Variants in CA6 observed in about 807,000 individuals in gnomAD.
CA6 encodes carbonate dehydratase VI.
A neutral mutation model predicts 35.9 loss-of-function variants in CA6; 28 were observed. The ratio of observed to expected loss-of-function variants is 0.78; its 90% confidence interval spans 0.58 to 1.07. CA6 has a LOEUF of 1.07. CA6 is among the 50% of genes least tolerant of loss of function. The pLI is 0.00. For missense variants in CA6, 377 were observed against 382.0 expected, an observed-to-expected ratio of 0.99 and a Z score of 0.11; for synonymous variants, 148 against 152.6, an observed-to-expected ratio of 0.97 and a Z score of 0.22.
chr1:8,951,221 A>C (rs1057061327), intron 2 of CA6, among the ~76,000 whole-genome samples: 4 of 84,274 alleles, frequency 4.7e-5, no homozygotes, highest in Admixed American at 3.0e-4. Flanking sequence ...CATCTCAAAG[A>C]AAAAAAAAAA....
chr1:8,957,090 C>T (rs1401197913), intron 2 of CA6, 47 bp from the exon 3 acceptor site: 4 of 1,529,648 alleles, frequency 2.6e-6, no homozygotes, highest in Non-Finnish European at 3.5e-6. Flanking sequence ...AGGCCTGACC[C>T]CTCTGTGTTC....
chr1:8,947,290 G>A lies in CA6; in HGVS notation c.79+1325G>A, dbSNP rs548876150. Among the ~76,000 whole-genome samples, 7 of 152,122 alleles carry A rather than the reference G, an allele frequency of 4.6e-5. No individual in the cohort carries two copies. In the South Asian group the frequency reaches 1.0e-3, roughly 23 times the overall value. ...CTTTCCATACGGGACCATGGATTGG[G>A]GCCCATGAGGAGGCTGGTGGCCGCT... On this transcript the variant is annotated intron_variant, in intron 1 of 7. Coordinates refer to ENST00000377443, the MANE Select transcript of CA6 (RefSeq NM_001215.4).
At chr1:8,946,109 C>T (rs150786269) in intron 1 of CA6, 144 bp downstream of exon 1, 8,957 of 598,658 alleles carry the variant, frequency 0.015, 615 homozygotes, top group African/African-American at 0.15. Flanking sequence ...GTGATGTTGG[C>T]TCACTGCAAC....
At chr1:8,969,230 G>A (rs1190245602) in intron 6 of CA6, among the ~76,000 whole-genome samples, 2 of 150,620 alleles carry the variant, frequency 1.3e-5, no homozygotes, top group Admixed American at 6.6e-5. Context: ...CAGGAGAATC[G>A]CTTGAACCCA....
At chr1:8,962,701 G>A (rs1486540522) in intron 5 of CA6, 45 bp downstream of exon 5, 2 of 1,493,338 alleles carry the variant, frequency 1.3e-6, no homozygotes, top group African/African-American at 1.4e-5. Context: ...GGGAATGAGT[G>A]TGAGTGTGAG....
Position 8,949,459 on chromosome 1 carries a change from G to A in CA6, c.259+17G>A, listed in dbSNP as rs750590117. On this transcript the variant is annotated intron_variant, in intron 2 of 7. Coordinates refer to ENST00000377443, the MANE Select transcript of CA6 (RefSeq NM_001215.4). The stretch of plus-strand genomic sequence containing the variant: ...GCCACACAGGTAAGAGGAAGGGGTG[G>A]TGAGGGGCTCCAGTCCATGGGCAGC... 102 of 1,605,902 alleles carry A rather than the reference G, an allele frequency of 6.4e-5. No individual in the cohort carries two copies. The highest frequency in any genetic ancestry group is 7.7e-5 in the Non-Finnish European group (91 of 1,175,336).
intron 5 of CA6, 107 bp downstream of exon 5, chr1:8,962,763 C>T (rs1303561750): frequency 3.2e-6 from 3 of 950,600 alleles, no homozygotes; most frequent in Non-Finnish European, 5.1e-6. Context: ...GAGGGTGGCC[C>T]GTGGGCCCTG....
intron 2 of CA6, among the ~76,000 whole-genome samples, chr1:8,949,714 A>G (rs1432227822): frequency 6.6e-6 from 1 of 152,044 alleles, no homozygotes; most frequent in Non-Finnish European, 1.5e-5. Flanking sequence ...CAACCCACCC[A>G]GCAGGTGACA....
intron 4 of CA6, among the ~76,000 whole-genome samples, chr1:8,961,877 G>A (rs1639850653): frequency 6.6e-6 from 1 of 152,218 alleles, no homozygotes; most frequent in Non-Finnish European, 1.5e-5. Context: ...TCCTGAGGAT[G>A]AAGAAGGGAA....
intron 1 of CA6, among the ~76,000 whole-genome samples, chr1:8,947,753 C>T (rs778105994): frequency 3.3e-5 from 5 of 152,064 alleles, no homozygotes; most frequent in Non-Finnish European, 5.9e-5. Flanking sequence ...ATTGACAGTG[C>T]CCTGGGCCAA....
intron 7 of CA6, among the ~76,000 whole-genome samples, chr1:8,974,085 A>G (rs1640202509): frequency 6.6e-6 from 1 of 152,204 alleles, no homozygotes; most frequent in East Asian, 1.9e-4. Context: ...TCAGCCTCCC[A>G]AAGTGCTGGG....
chr1:8,959,488 T>C (rs1362049671), intron 4 of CA6, among the ~76,000 whole-genome samples: 1 of 152,002 alleles, frequency 6.6e-6, no homozygotes, highest in Non-Finnish European at 1.5e-5. Flanking sequence ...CTAATTTTTG[T>C]ATTTTTAGTA....
chr1:8,968,245 T>C (rs547297914), intron 6 of CA6, among the ~76,000 whole-genome samples: 2 of 151,960 alleles, frequency 1.3e-5, no homozygotes, highest in South Asian at 2.1e-4. Flanking sequence ...GGATTACAGG[T>C]GTGAGCCACT....
At chr1:8,955,718 T>C (rs978931919) in intron 2 of CA6, among the ~76,000 whole-genome samples, 1 of 141,072 alleles carries the variant, frequency 7.1e-6, no homozygotes, top group Non-Finnish European at 1.6e-5. Flanking sequence ...AAGCTCTAAA[T>C]ACAGAGCATT....
chr1:8,950,959 T>C (rs529123424), intron 2 of CA6, among the ~76,000 whole-genome samples: 1 of 152,320 alleles, frequency 6.6e-6, no homozygotes, highest in South Asian at 2.1e-4. Flanking sequence ...TTCATGCCTG[T>C]AATCCCAGCA....
intron 1 of CA6, 117 bp downstream of exon 1, chr1:8,946,082 G>A: frequency 1.5e-6 from 1 of 681,084 alleles, no homozygotes; most frequent in South Asian, 1.8e-5. Context: ...CTGTTGCCCA[G>A]GCTTGAGTAC....
Position 8,945,946 on chromosome 1 carries a change from G to A in CA6, c.60G>A (p.Val20=). The part of the protein sequence containing the change: ...LFLLGGQAQH[V]SDWTYSEGAL... ...TGCTGGGTGGCCAGGCCCAGCATGT[G>A]TCTGACTGGACCTACTCAGGTGAGC... The change falls in exon 1 of 8, where the codon GTG becomes GTA. Residue 20 remains valine, a synonymous_variant. Transcript: ENST00000377443. 6.2e-7 allele frequency: 1 copy of A among 1,613,376 alleles called. No homozygotes were observed. Among genetic ancestry groups the A allele is most frequent in the South Asian group, 1.1e-5 (1 of 91,058 alleles).
intron 6 of CA6, 24 bp downstream of exon 6, chr1:8,967,840 G>A (rs2274334): frequency 2.6e-5 from 42 of 1,608,794 alleles, no homozygotes; most frequent in Admixed American, 5.1e-5. Flanking sequence ...TCACTTTGCC[G>A]AAGTCTTCCC....
intron 4 of CA6, among the ~76,000 whole-genome samples, 170 bp from the exon 5 acceptor site, chr1:8,962,417 G>A (rs1639863769): frequency 6.6e-6 from 1 of 151,990 alleles, no homozygotes; most frequent in Non-Finnish European, 1.5e-5. Flanking sequence ...TGCGTGGTTG[G>A]TAGCAAAGAA....
Sources: gnomAD v4.1 joint callset for allele counts (sites outside exome capture counted in the v4.1 genomes callset) on GRCh38, gnomAD v4.1.1 for gene constraint, MANE v1.5 for transcripts, NCBI Gene and HGNC (gene_info 2026-07-23, HGNC 2026-07-21) for gene names.